ASCL1: variants seen among roughly 807,000 people sequenced by gnomAD.
The protein encoded by ASCL1 is achaete-scute homolog 1.
ASCL1 carries 2 observed loss-of-function variants against 16.1 expected under a neutral mutation model. The ratio of observed to expected loss-of-function variants is 0.12; its 90% confidence interval spans 0.05 to 0.39. ASCL1 has a LOEUF of 0.39. Among genes scored for constraint, ASCL1 ranks in the 10% least tolerant of loss-of-function variants. The pLI, the probability that ASCL1 is intolerant of heterozygous loss-of-function variation, is 0.99. For missense variants in ASCL1, 276 were observed against 336.9 expected (o/e 0.82, Z 1.41); for synonymous variants, 165 against 155.7 (o/e 1.06, Z -0.45).
At position 102,958,446 on chromosome 12, in the gene ASCL1, C is replaced by G; in HGVS notation, c.202C>G (p.Pro68Ala). ...QQQQQAPQLR[P>A]AADGQPSGGG... ...GCAGCAGCAGGCGCCGCAGCTGAGA[C>G]CGGCGGCCGACGGCCAGCCCTCAGG... The change falls in exon 1 of 2, where the codon CCG becomes GCG. Residue 68 changes from proline to alanine, a missense_variant. Transcript: ENST00000266744. The G allele has an allele frequency of 6.4e-7, 1 of 1,557,308 alleles. No homozygotes were observed. Among genetic ancestry groups the G allele is most frequent in the Non-Finnish European group, 8.7e-7 (1 of 1,152,348 alleles).
Position 102,958,429 on chromosome 12 carries a change from AGGCGCC to A in ASCL1, c.187_192del (p.Ala63_Pro64del), listed in dbSNP as rs1565889154. 1 of 1,548,802 alleles carries A rather than the reference AGGCGCC, an allele frequency of 6.5e-7. No individual in the cohort carries two copies. The highest frequency in any genetic ancestry group is 1.4e-5 in the African/African-American group (1 of 72,620). On this transcript the variant is annotated inframe_deletion, in exon 1 of 2. Transcript: ENST00000266744. ...CAGCAGCAGCAGCAGCAGCAGCAGC[AGGCGCC>A]GCAGCTGAGACCGGCGGCCGACGGC...
rs1880073070 is a variant in ASCL1, at chr12:102,960,134, C to CTAT, written c.*823_*825dup. The CTAT allele has an allele frequency of 6.6e-6, 1 of 152,566 alleles. No homozygotes were observed. The highest frequency in any genetic ancestry group is 2.4e-5 in the African/African-American group (1 of 41,418). 9.5% of individuals were successfully genotyped at this position (152,566 alleles called of 1,614,324 possible). On this transcript the variant is annotated 3_prime_UTR_variant, in exon 2 of 2. Transcript: ENST00000266744. The stretch of plus-strand genomic sequence containing the variant: ...TATCTTGATACTTTAACATGTAATG[C>CTAT]TATTACCTCTGCATATTTTAGATGT...
In ASCL1 at chr12:102,958,438, A is replaced by C. The variant is rs748617000; in HGVS notation, c.194A>C (p.Gln65Pro). The change falls in exon 1 of 2, where the codon CAG (glutamine) becomes CCG (proline). Residue 65 changes from glutamine to proline, a missense_variant. Gln to Pro is a moderately conservative substitution (Grantham distance 76, BLOSUM62 -1). Transcript: ENST00000266744. Reference protein sequence around the residue: ...QQQQQQQQAPQLRPAADGQPS... With the variant: ...QQQQQQQQAPPLRPAADGQPS... ...CAGCAGCAGCAGCAGCAGGCGCCGCAGCTGAGACCGGCGGCCGACGGCCAG... is the reference window on the plus strand; with the variant it reads ...CAGCAGCAGCAGCAGCAGGCGCCGCCGCTGAGACCGGCGGCCGACGGCCAG... 5 of 1,555,942 alleles carry C rather than the reference A, an allele frequency of 3.2e-6. No individual in the cohort carries two copies. The highest frequency in any genetic ancestry group is 1.7e-6 in the Non-Finnish European group (2 of 1,151,474).
Position 102,958,382 on chromosome 12 carries a change from A to G in ASCL1, c.138A>G (p.Ala46=). Residue 46 remains alanine, a synonymous_variant, in exon 1 of 2, where the codon GCA becomes GCG. Coordinates refer to ENST00000266744, the MANE Select transcript of ASCL1 (RefSeq NM_004316.4). ...CGGCGGCCGCAGCCGCCGCAGCGGCAGCGCAGAGCGCGCAGCAGCAGCAGC... is the reference window on the plus strand; with the variant it reads ...CGGCGGCCGCAGCCGCCGCAGCGGCGGCGCAGAGCGCGCAGCAGCAGCAGC... The part of the protein sequence containing the change: ...AAAAAAAAAA[A]AQSAQQQQQQ... 6.8e-7 allele frequency: 1 copy of G among 1,470,862 alleles called. No homozygotes were observed. Among genetic ancestry groups the G allele is most frequent in the South Asian group, 1.3e-5 (1 of 75,900 alleles). 91.1% of individuals were successfully genotyped at this position (1,470,862 alleles called of 1,614,324 possible). A position where few individuals can be genotyped will look rare whatever the true frequency, so the allele number is the denominator to read the frequency against.
Position 102,958,176 on chromosome 12 carries a change from C to G in ASCL1, c.-69C>G. ...CCTGCACCCAAGTTCTCTCTGTGTC[C>G]CCCTCGCGGGCCCCGCACCTCGCGT... is the stretch of plus-strand genomic sequence containing the variant. On this transcript the variant is annotated 5_prime_UTR_variant, in exon 1 of 2. Coordinates refer to ENST00000266744, the MANE Select transcript of ASCL1 (RefSeq NM_004316.4). 3 of 1,246,116 alleles carry G rather than the reference C, an allele frequency of 2.4e-6. No homozygotes were observed. The highest frequency in any genetic ancestry group is 3.5e-5 in the Admixed American group (1 of 28,806). The allele number at this position is 1,246,116 out of a possible 1,614,324, so 77.2% of individuals were successfully genotyped here.
Position 102,959,018 on chromosome 12 carries a change from G to C in ASCL1, c.*47+16G>C. ...TTGGAAGCAGGTAGGTTGCATTTTG[G>C]GGTGGGCAGGGGGGTATTCTTGCCT... On this transcript the variant is annotated intron_variant, in intron 1 of 1. Coordinates refer to ENST00000266744, the MANE Select transcript of ASCL1 (RefSeq NM_004316.4). 1 of 1,608,406 alleles carries C rather than the reference G, an allele frequency of 6.2e-7. No homozygotes were observed. The highest frequency in any genetic ancestry group is 1.1e-5 in the South Asian group (1 of 90,370).
intron 1 of ASCL1, 26 bp downstream of exon 1, chr12:102,959,028 G>A (rs1880035068): frequency 1.4e-5 from 22 of 1,604,090 alleles, no homozygotes; most frequent in Non-Finnish European, 4.2e-6. Flanking sequence ...GGGTGGGCAG[G>A]GGGGTATTCT....
At position 102,959,827 on chromosome 12, in the gene ASCL1, G is replaced by A. The variant is rs963603510; in HGVS notation, c.*513G>A. On this transcript the variant is annotated 3_prime_UTR_variant, in exon 2 of 2. Coordinates refer to ENST00000266744, the MANE Select transcript of ASCL1 (RefSeq NM_004316.4). Reference sequence around the variant, plus strand: ...GTCTCAGTAGCCCCCACCCCAATAAGCTGTAGACATTGGTTTACAGTGAAA... The same window carrying A: ...GTCTCAGTAGCCCCCACCCCAATAAACTGTAGACATTGGTTTACAGTGAAA... 1.3e-5 allele frequency: 2 copies of A among 152,144 alleles called. No individual in the cohort carries two copies. Among genetic ancestry groups the A allele is most frequent in the African/African-American group, 4.8e-5 (2 of 41,408 alleles). The allele number at this position is 152,144 out of a possible 1,614,324, so 9.4% of individuals were successfully genotyped here.
chr12:102,959,953 T>C lies in ASCL1; in HGVS notation c.*639T>C, dbSNP rs1880066613. The C allele has an allele frequency of 2.0e-5, 3 of 152,636 alleles. No homozygotes were observed. The highest frequency in any genetic ancestry group is 1.3e-4 in the Admixed American group (2 of 15,292). 9.5% of individuals were successfully genotyped at this position (152,636 alleles called of 1,614,324 possible). A position where few individuals can be genotyped will look rare whatever the true frequency, so the allele number is the denominator to read the frequency against. The stretch of plus-strand genomic sequence containing the variant: ...ACTGTCTTTTCTACCATTTTCATTA[T>C]AGAATGCTTCCAATCTTTTGTGAAT... On this transcript the variant is annotated 3_prime_UTR_variant, in exon 2 of 2. Coordinates refer to ENST00000266744, the MANE Select transcript of ASCL1 (RefSeq NM_004316.4).
chr12:102,958,187 C>A lies in ASCL1; in HGVS notation c.-58C>A. ...GTTCTCTCTGTGTCCCCCTCGCGGG[C>A]CCCGCACCTCGCGTCCCGGATCGCT... On this transcript the variant is annotated 5_prime_UTR_variant, in exon 1 of 2. Coordinates refer to ENST00000266744, the MANE Select transcript of ASCL1 (RefSeq NM_004316.4). 3 of 1,353,708 alleles carry A rather than the reference C, an allele frequency of 2.2e-6. No homozygotes were observed. Among genetic ancestry groups the A allele is most frequent in the Middle Eastern group, 2.5e-4 (1 of 4,014 alleles). 83.9% of individuals were successfully genotyped at this position (1,353,708 alleles called of 1,614,324 possible).
In ASCL1 at chr12:102,958,227, C is replaced by T. The variant is rs775866258; in HGVS notation, c.-18C>T. The T allele has an allele frequency of 1.6e-5, 23 of 1,459,938 alleles. No homozygotes were observed. In the Admixed American group the frequency reaches 5.5e-4, roughly 35 times the overall value. The allele number at this position is 1,459,938 out of a possible 1,614,324, so 90.4% of individuals were successfully genotyped here. A position where few individuals can be genotyped will look rare whatever the true frequency, so the allele number is the denominator to read the frequency against. ...CCCGGATCGCTCTGATTCCGCGACT[C>T]CTTGGCCGCCGCTGCGCATGGAAAG... On this transcript the variant is annotated 5_prime_UTR_variant, in exon 1 of 2. Transcript: ENST00000266744.
Position 102,958,813 on chromosome 12 carries a change from C to T in ASCL1, c.569C>T (p.Ser190Leu), listed in dbSNP as rs780932953. The T allele has an allele frequency of 6.2e-7, 1 of 1,613,928 alleles. No homozygotes were observed. Among genetic ancestry groups the T allele is most frequent in the Non-Finnish European group, 8.5e-7 (1 of 1,179,890 alleles). ...VSAAFQAGVLSPTISPNYSND... is the reference protein window; with the variant it reads ...VSAAFQAGVLLPTISPNYSND... ...GCCGCCTTCCAGGCAGGCGTCCTGT[C>T]GCCCACCATCTCCCCCAACTACTCC... The change falls in exon 1 of 2, where the codon TCG becomes TTG. Residue 190 changes from serine (S) to leucine (L), a missense_variant. This residue lies in a region of ASCL1 where 68 missense variants were observed against 86.7 expected (regional missense o/e 0.78). Coordinates refer to ENST00000266744, the MANE Select transcript of ASCL1 (RefSeq NM_004316.4).
Position 102,958,626 on chromosome 12 carries a change from C to A in ASCL1, c.382C>A (p.Arg128Ser), listed in dbSNP as rs757808242. 1.2e-6 allele frequency: 2 copies of A among 1,613,174 alleles called. No homozygotes were observed. The highest frequency in any genetic ancestry group is 1.1e-5 in the South Asian group (1 of 91,042). Residue 128 changes from arginine (R) to serine (S), a missense_variant, in exon 1 of 2, where the codon CGC becomes AGC. This residue lies in a region of ASCL1 where 30 missense variants were observed against 83.2 expected (regional missense o/e 0.36). Coordinates refer to ENST00000266744, the MANE Select transcript of ASCL1 (RefSeq NM_004316.4). Reference sequence around the variant, plus strand: ...CGTGGCGCGCCGCAACGAGCGCGAGCGCAACCGCGTCAAGTTGGTCAACCT... The same window carrying A: ...CGTGGCGCGCCGCAACGAGCGCGAGAGCAACCGCGTCAAGTTGGTCAACCT... ...AAVARRNERE[R>S]NRVKLVNLGF...
chr12:102,958,346 GGCCGCAGCCGCGGCGGCCGCAGCC>G lies in ASCL1; in HGVS notation c.111_134del (p.Ala40_Ala47del), dbSNP rs756714075. On this transcript the variant is annotated inframe_deletion, in exon 1 of 2. Transcript: ENST00000266744. Reference sequence around the variant, plus strand: ...CGCCCGCAGCCTGTTTCTTTGCCACGGCCGCAGCCGCGGCGGCCGCAGCCGCCGCAGCGGCAGCGCAGAGCGCGC... The same window carrying G: ...CGCCCGCAGCCTGTTTCTTTGCCACGGCCGCAGCGGCAGCGCAGAGCGCGC... The G allele has an allele frequency of 6.2e-5, 89 of 1,435,264 alleles. 2 individuals are homozygous for G. In the Middle Eastern group the frequency reaches 1.4e-3, roughly 23 times the overall value. 88.9% of individuals were successfully genotyped at this position (1,435,264 alleles called of 1,614,324 possible).
rs769094740 is a variant in ASCL1, at chr12:102,958,236, C to T, written c.-9C>T. 68 of 1,464,736 alleles carry T rather than the reference C, an allele frequency of 4.6e-5. No individual in the cohort carries two copies. Among genetic ancestry groups the T allele is most frequent in the Middle Eastern group, 2.2e-4 (1 of 4,642 alleles). 90.7% of individuals were successfully genotyped at this position (1,464,736 alleles called of 1,614,324 possible). On this transcript the variant is annotated 5_prime_UTR_variant, in exon 1 of 2. Coordinates refer to ENST00000266744, the MANE Select transcript of ASCL1 (RefSeq NM_004316.4). ...CTCTGATTCCGCGACTCCTTGGCCG[C>T]CGCTGCGCATGGAAAGCTCTGCCAA...
In ASCL1 at chr12:102,958,291, C is replaced by A. The variant is rs746054437; in HGVS notation, c.47C>A (p.Pro16His). ...KMESGGAGQQ[P>H]QPQPQQPFLP... ...GAGAGCGGCGGCGCCGGCCAGCAGC[C>A]CCAGCCGCAGCCCCAGCAGCCCTTC... The change falls in exon 1 of 2, where the codon CCC becomes CAC. Residue 16 changes from proline to histidine, a missense_variant. Physicochemically the swap from Pro to His is moderately conservative, Grantham distance 77 (BLOSUM62 -2). Around this residue, in one of 3 missense-constraint regions of ASCL1, gnomAD observed 178 missense variants for 167.0 expected, o/e 1.07. Coordinates refer to ENST00000266744, the MANE Select transcript of ASCL1 (RefSeq NM_004316.4). 5.4e-6 allele frequency: 8 copies of A among 1,479,538 alleles called. No individual in the cohort carries two copies. In the East Asian group the frequency reaches 1.8e-4, roughly 33 times the overall value. 91.7% of individuals were successfully genotyped at this position (1,479,538 alleles called of 1,614,324 possible). A position where few individuals can be genotyped will look rare whatever the true frequency, so the allele number is the denominator to read the frequency against.
chr12:102,958,841 C>A lies in ASCL1; in HGVS notation c.597C>A (p.Asn199Lys), dbSNP rs1880026987. The A allele has an allele frequency of 1.2e-6, 2 of 1,613,766 alleles. No individual in the cohort carries two copies. The highest frequency in any genetic ancestry group is 1.7e-6 in the Non-Finnish European group (2 of 1,179,762). Residue 199 changes from asparagine to lysine, a missense_variant, in exon 1 of 2, where the codon AAC becomes AAA. This residue lies in a region of ASCL1 where 68 missense variants were observed against 86.7 expected (regional missense o/e 0.78). Transcript: ENST00000266744. ...CCACCATCTCCCCCAACTACTCCAACGACTTGAACTCCATGGCCGGCTCGC... is the reference window on the plus strand; with the variant it reads ...CCACCATCTCCCCCAACTACTCCAAAGACTTGAACTCCATGGCCGGCTCGC... ...LSPTISPNYS[N>K]DLNSMAGSPV...
Position 102,958,292 on chromosome 12 carries a change from C to G in ASCL1, c.48C>G (p.Pro16=). Residue 16 remains proline, a synonymous_variant, in exon 1 of 2, where the codon CCC becomes CCG. Coordinates refer to ENST00000266744, the MANE Select transcript of ASCL1 (RefSeq NM_004316.4). ...KMESGGAGQQ[P]QPQPQQPFLP... Reference sequence around the variant, plus strand: ...AGAGCGGCGGCGCCGGCCAGCAGCCCCAGCCGCAGCCCCAGCAGCCCTTCC... The same window carrying G: ...AGAGCGGCGGCGCCGGCCAGCAGCCGCAGCCGCAGCCCCAGCAGCCCTTCC... The G allele has an allele frequency of 1.4e-6, 2 of 1,479,434 alleles. No homozygotes were observed. The highest frequency in any genetic ancestry group is 1.8e-6 in the Non-Finnish European group (2 of 1,120,640). 91.6% of individuals were successfully genotyped at this position (1,479,434 alleles called of 1,614,324 possible).
chr12:102,958,549 G>A lies in ASCL1; in HGVS notation c.305G>A (p.Arg102Gln). The change falls in exon 1 of 2, where the codon CGG becomes CAG. Residue 102 changes from arginine to glutamine, a missense_variant. By Grantham distance (43) the Arg-to-Gln change is conservative. Coordinates refer to ENST00000266744, the MANE Select transcript of ASCL1 (RefSeq NM_004316.4). ...SSPELMRCKRRLNFSGFGYSL... is the reference protein window; with the variant it reads ...SSPELMRCKRQLNFSGFGYSL... ...CCCGAACTGATGCGCTGCAAACGCCGGCTCAACTTCAGCGGCTTTGGCTAC... is the reference window on the plus strand; with the variant it reads ...CCCGAACTGATGCGCTGCAAACGCCAGCTCAACTTCAGCGGCTTTGGCTAC... The A allele has an allele frequency of 6.2e-7, 1 of 1,610,456 alleles. No individual in the cohort carries two copies. Among genetic ancestry groups the A allele is most frequent in the Non-Finnish European group, 8.5e-7 (1 of 1,178,556 alleles).
Sources: gnomAD v4.1 joint callset for allele counts on GRCh38, gnomAD v4.1.1 for gene constraint, gnomAD v4.1.1 regional missense constraint, MANE v1.5 for transcripts, NCBI Gene and HGNC (gene_info 2026-07-23, HGNC 2026-07-21) for gene names.